ALK: variants seen among roughly 807,000 people sequenced by gnomAD.
ALK encodes the protein ALK tyrosine kinase receptor.
ALK carries 74 observed loss-of-function variants against 163.1 expected under a neutral mutation model. That is an observed-to-expected ratio of 0.45 (90% CI 0.38 to 0.55). ALK has a LOEUF of 0.55. ALK is among the 20% of genes least tolerant of loss of function. The pLI, the probability that ALK is intolerant of heterozygous loss-of-function variation, is 0.00. For synonymous variants in ALK, 960 were observed against 843.2 expected (o/e 1.14, Z -2.40); for missense variants, 2,063 against 2,105.3 (o/e 0.98, Z 0.39).
chr2:29,668,984 C>T (rs2148268435), intron 3 of ALK, among the ~76,000 whole-genome samples: 1 of 152,170 alleles, frequency 6.6e-6, no homozygotes, highest in South Asian at 2.1e-4. Flanking sequence ...CAATTACCTC[C>T]CACTGGGTCC....
chr2:29,586,953 C>A (rs368269036), intron 3 of ALK, among the ~76,000 whole-genome samples: 1 of 152,106 alleles, frequency 6.6e-6, no homozygotes, highest in Non-Finnish European at 1.5e-5. Context: ...AGTTCCAGGA[C>A]GGAGGAGCAC....
At chr2:29,295,772 G>T (rs1272190724) in intron 9 of ALK, among the ~76,000 whole-genome samples, 1 of 152,180 alleles carries the variant, frequency 6.6e-6, no homozygotes, top group Non-Finnish European at 1.5e-5. Context: ...TTTGAAGGTG[G>T]ATCCACCAGG....
At chr2:29,591,988 T>A (rs1675072014) in intron 3 of ALK, among the ~76,000 whole-genome samples, 1 of 151,760 alleles carries the variant, frequency 6.6e-6, no homozygotes, top group South Asian at 2.1e-4. Flanking sequence ...TCACTCTCTA[T>A]CTCAGGTACA....
At chr2:29,641,160 A>C (rs956759415) in intron 3 of ALK, among the ~76,000 whole-genome samples, 1 of 152,138 alleles carries the variant, frequency 6.6e-6, no homozygotes, top group African/African-American at 2.4e-5. Context: ...CCTAAAATAA[A>C]TAGGCAGATA....
intron 7 of ALK, 53 bp from the exon 8 acceptor site, chr2:29,318,457 CA>C: frequency 5.6e-6 from 7 of 1,259,518 alleles, no homozygotes; most frequent in Non-Finnish European, 8.2e-6. Context: ...ACTGGGGGAC[CA>C]GGGGTGCAGG....
rs997392004 is a variant in ALK at position 29,277,709 on chromosome 2, C to A, written c.1818-2213G>T. Reference sequence around the variant, plus strand: ...GTGGTTGGGTGTGGAAGGAGAAGTGCCTGATGGAGAACCTTCAAATCCTGT... The same window carrying A: ...GTGGTTGGGTGTGGAAGGAGAAGTGACTGATGGAGAACCTTCAAATCCTGT... On this transcript the variant is annotated intron_variant, in intron 9 of 28. Coordinates refer to ENST00000389048, the MANE Select transcript of ALK (RefSeq NM_004304.5). Among the ~76,000 whole-genome samples, 9 of 152,276 alleles carry A rather than the reference C, an allele frequency of 5.9e-5. No individual in the cohort carries two copies. In the East Asian group the frequency reaches 1.7e-3, roughly 29 times the overall value.
intron 27 of ALK, 116 bp from the exon 28 acceptor site, chr2:29,196,976 C>T (rs1365501123): frequency 3.7e-6 from 3 of 821,290 alleles, no homozygotes; most frequent in Admixed American, 4.0e-5. Context: ...GTCTAGGCCC[C>T]GTGTACTTGG....
At chr2:29,361,476 G>A (rs747561578) in intron 5 of ALK, among the ~76,000 whole-genome samples, 10 of 152,182 alleles carry the variant, frequency 6.6e-5, no homozygotes, top group Admixed American at 1.3e-4. Context: ...ATCCTGGCGC[G>A]TAGGAAATGC....
intron 4 of ALK, among the ~76,000 whole-genome samples, chr2:29,455,095 C>T (rs1670917555): frequency 6.6e-6 from 1 of 152,248 alleles, no homozygotes; most frequent in East Asian, 1.9e-4. Context: ...CACTTCTTCG[C>T]CCCATCTTTC....
chr2:29,864,824 C>A (rs1458539917), intron 1 of ALK, among the ~76,000 whole-genome samples: 1 of 152,142 alleles, frequency 6.6e-6, no homozygotes, highest in Non-Finnish European at 1.5e-5. Context: ...AAGACACATC[C>A]CATGTTTGGA....
intron 4 of ALK, among the ~76,000 whole-genome samples, chr2:29,453,961 G>A (rs1670886074): frequency 6.6e-6 from 1 of 152,156 alleles, no homozygotes; most frequent in Admixed American, 6.5e-5. Context: ...TTAATAACTT[G>A]GATTAAATGC....
chr2:29,215,553 G>A (rs943947787), intron 23 of ALK, among the ~76,000 whole-genome samples: 1 of 152,192 alleles, frequency 6.6e-6, no homozygotes, highest in African/African-American at 2.4e-5. Context: ...GAGGCTACCT[G>A]ACTCACCCCA....
At chr2:29,315,982 A>G (rs1442805168) in intron 8 of ALK, among the ~76,000 whole-genome samples, 1 of 152,106 alleles carries the variant, frequency 6.6e-6, no homozygotes, top group African/African-American at 2.4e-5. Context: ...CTCGGGCCCC[A>G]TAGGCAACAG....
chr2:29,218,250 CAG>C (rs964042437), intron 23 of ALK, among the ~76,000 whole-genome samples: 1 of 152,152 alleles, frequency 6.6e-6, no homozygotes, highest in Non-Finnish European at 1.5e-5. Flanking sequence ...GAGAGCCACA[CAG>C]AGGAAAAGCG....
At chr2:29,203,110 TG>T (rs1416025057) in intron 26 of ALK, among the ~76,000 whole-genome samples, 1 of 152,092 alleles carries the variant, frequency 6.6e-6, no homozygotes, top group African/African-American at 2.4e-5. Context: ...AGGCCTGAGG[TG>T]GGGGCCGAGG....
intron 1 of ALK, among the ~76,000 whole-genome samples, chr2:29,727,463 G>A (rs1170135581): frequency 6.6e-6 from 1 of 152,184 alleles, no homozygotes; most frequent in Non-Finnish European, 1.5e-5. Flanking sequence ...CTCAGATACA[G>A]CAGTGTTACT....
intron 3 of ALK, among the ~76,000 whole-genome samples, chr2:29,674,151 T>C (rs969325098): frequency 1.3e-5 from 2 of 151,470 alleles, no homozygotes; most frequent in Non-Finnish European, 2.9e-5. Context: ...CTTTTCCTAA[T>C]TGAATACCCT....
At chr2:29,873,859 A>C (rs1397027411) in intron 1 of ALK, among the ~76,000 whole-genome samples, 4 of 151,618 alleles carry the variant, frequency 2.6e-5, no homozygotes, top group African/African-American at 9.7e-5. Context: ...AATCACCTCC[A>C]CTCTGGGCAT....
intron 4 of ALK, among the ~76,000 whole-genome samples, chr2:29,417,464 A>G (rs1351223695): frequency 6.6e-6 from 1 of 152,230 alleles, no homozygotes; most frequent in African/African-American, 2.4e-5. Flanking sequence ...ACAGATTCAT[A>G]GACCCATAGA....
Sources: gnomAD v4.1 joint callset for allele counts (sites outside exome capture counted in the v4.1 genomes callset) on GRCh38, gnomAD v4.1.1 for gene constraint, MANE v1.5 for transcripts, NCBI Gene and HGNC (gene_info 2026-07-23, HGNC 2026-07-21) for gene names.